The following MARCHF1 variants were observed in gnomAD, a reference collection of about 807,000 sequenced individuals.
The protein encoded by MARCHF1 is E3 ubiquitin-protein ligase MARCHF1.
In MARCHF1, 40 loss-of-function variants were observed where a neutral mutation model predicts 54.2. The ratio of observed to expected loss-of-function variants is 0.74; its 90% CI spans 0.57 to 0.96. MARCHF1 has a LOEUF of 0.96. Among genes scored for constraint, MARCHF1 ranks in the 40% least tolerant of loss-of-function variants. The pLI is 0.00. For synonymous variants in MARCHF1, 236 were observed against 236.3 expected (o/e 1.00, Z 0.01); for missense variants, 586 against 656.5 (o/e 0.89, Z 1.17).
chr4:164,032,661 C>A (rs1449216722), intron 2 of MARCHF1, among the ~76,000 whole-genome samples: 1 of 152,116 alleles, frequency 6.6e-6, no homozygotes, highest in East Asian at 1.9e-4. Context: ...GTTTCTTAAT[C>A]CTGAGTTCTA....
chr4:163,809,221 C>T (rs144993731), intron 4 of MARCHF1, among the ~76,000 whole-genome samples: 160 of 152,162 alleles, frequency 1.1e-3, no homozygotes, highest in African/African-American at 3.7e-3. Context: ...AAACAAGGGT[C>T]ATAATTTGTG....
chr4:163,971,798 G>T (rs1482951587), intron 3 of MARCHF1, among the ~76,000 whole-genome samples: 3 of 152,168 alleles, frequency 2.0e-5, no homozygotes, highest in African/African-American at 7.2e-5. Flanking sequence ...AAGGCCCAGG[G>T]TTAGATGAGA....
chr4:163,688,717 G>A (rs372320228), intron 5 of MARCHF1, among the ~76,000 whole-genome samples: 1 of 152,094 alleles, frequency 6.6e-6, no homozygotes, highest in East Asian at 1.9e-4. Flanking sequence ...AATAATGATT[G>A]CTAAGAGTAT....
chr4:164,300,859 A>G (rs1417669621), intron 1 of MARCHF1, among the ~76,000 whole-genome samples: 1 of 152,200 alleles, frequency 6.6e-6, no homozygotes, highest in East Asian at 1.9e-4. Context: ...TGCAAATGGT[A>G]AAGCGGGAGA....
intron 1 of MARCHF1, among the ~76,000 whole-genome samples, chr4:164,187,933 A>C (rs1016490477): frequency 6.6e-6 from 1 of 152,062 alleles, no homozygotes; most frequent in Non-Finnish European, 1.5e-5. Context: ...TAAACCTATA[A>C]ATTATTGTAA....
At chr4:163,713,861 G>A (rs938774872) in intron 4 of MARCHF1, among the ~76,000 whole-genome samples, 3 of 152,090 alleles carry the variant, frequency 2.0e-5, no homozygotes, top group Non-Finnish European at 2.9e-5. Context: ...GTCACTTCTC[G>A]AAAAGTCTTC....
At chr4:163,642,607 T>C (rs940199854) in intron 5 of MARCHF1, among the ~76,000 whole-genome samples, 3 of 152,144 alleles carry the variant, frequency 2.0e-5, no homozygotes, top group Non-Finnish European at 4.4e-5. Flanking sequence ...TAATGACTAT[T>C]ACAATTAGAT....
Position 164,176,332 on chromosome 4 carries a change from C to T in MARCHF1, c.-322-64670G>A, listed in dbSNP as rs187245265. ...CATTGGTGCTTGCCACACGCACAGA[C>T]ATAGAAGCAAAATAGTGTCAAATAT... is the stretch of plus-strand genomic sequence containing the variant. On this transcript the variant is annotated intron_variant, in intron 1 of 9. Coordinates refer to ENST00000514618, the MANE Select transcript of MARCHF1 (RefSeq NM_001394959.1). Among the ~76,000 whole-genome samples, 3 of 152,194 alleles carry T rather than the reference C, an allele frequency of 2.0e-5. No homozygotes were observed. The East Asian group carries it at 5.8e-4, about 29-fold the overall frequency.
chr4:164,045,359 A>C (rs193160930), intron 2 of MARCHF1, among the ~76,000 whole-genome samples: 2 of 152,002 alleles, frequency 1.3e-5, no homozygotes, highest in East Asian at 3.9e-4. Context: ...CAAAAATACA[A>C]AAATTAGCTG....
intron 1 of MARCHF1, among the ~76,000 whole-genome samples, chr4:164,257,150 A>C (rs1733311148): frequency 6.6e-6 from 1 of 152,172 alleles, no homozygotes; most frequent in African/African-American, 2.4e-5. Flanking sequence ...ATTGATGGTT[A>C]GTTAATACTT....
chr4:163,775,487 T>G (rs923805192), intron 4 of MARCHF1, among the ~76,000 whole-genome samples: 1 of 152,142 alleles, frequency 6.6e-6, no homozygotes, highest in Admixed American at 6.5e-5. Flanking sequence ...AGTGAATATA[T>G]GAATTCTTAA....
intron 3 of MARCHF1, among the ~76,000 whole-genome samples, chr4:163,874,851 C>T (rs1204726299): frequency 6.6e-6 from 1 of 152,068 alleles, no homozygotes; most frequent in African/African-American, 2.4e-5. Context: ...AACTTCTGGA[C>T]TTTACTTACT....
At chr4:164,041,440 A>G (rs563922660) in intron 2 of MARCHF1, among the ~76,000 whole-genome samples, 1 of 152,296 alleles carries the variant, frequency 6.6e-6, no homozygotes, top group South Asian at 2.1e-4. Context: ...CTTCCTCATT[A>G]ATTGATCCAC....
At chr4:163,993,365 T>A (rs1470146965) in intron 2 of MARCHF1, among the ~76,000 whole-genome samples, 1 of 152,170 alleles carries the variant, frequency 6.6e-6, no homozygotes, top group Non-Finnish European at 1.5e-5. Flanking sequence ...AATTACAACA[T>A]CTTTTTAATG....
chr4:163,936,420 A>G (rs1028846244), intron 3 of MARCHF1, among the ~76,000 whole-genome samples: 2 of 152,210 alleles, frequency 1.3e-5, no homozygotes, highest in African/African-American at 4.8e-5. Context: ...CCTCAACAAA[A>G]TGAGGTGTGC....
intron 2 of MARCHF1, among the ~76,000 whole-genome samples, chr4:164,048,393 T>C (rs1579489468): frequency 6.6e-6 from 1 of 152,158 alleles, no homozygotes; most frequent in East Asian, 1.9e-4. Context: ...CTTGGAGTTA[T>C]TTATAAACAG....
At chr4:164,027,215 C>T (rs548618367) in intron 2 of MARCHF1, among the ~76,000 whole-genome samples, 1 of 151,568 alleles carries the variant, frequency 6.6e-6, no homozygotes, top group East Asian at 1.9e-4. Context: ...CATAATTTTT[C>T]ACAGCATTAT....
rs534751234 is a variant in MARCHF1, at chr4:163,634,464, A to G, written c.163-21071T>C. Among the ~76,000 whole-genome samples, 886 of 146,016 alleles carry G rather than the reference A, an allele frequency of 6.1e-3. 6 individuals are homozygous for G. Among genetic ancestry groups the G allele is most frequent in the African/African-American group, 0.021 (826 of 38,898 alleles). On this transcript the variant is annotated intron_variant, in intron 5 of 9. Transcript: ENST00000514618. ...TTGCAATCCTAGTCTCTGATAAAAC[A>G]GACTTTAAACCAACAAAGATCAAAA...
At chr4:163,836,111 A>C (rs747814474) in intron 4 of MARCHF1, among the ~76,000 whole-genome samples, 1 of 152,200 alleles carries the variant, frequency 6.6e-6, no homozygotes, top group Non-Finnish European at 1.5e-5. Context: ...TATAATGCCA[A>C]AAATTGTCAT....
Sources: gnomAD v4.1 joint callset for allele counts (sites outside exome capture counted in the v4.1 genomes callset) on GRCh38, gnomAD v4.1.1 for gene constraint, MANE v1.5 for transcripts, NCBI Gene and HGNC (gene_info 2026-07-23, HGNC 2026-07-21) for gene names.